The following ADCY6 variants were observed in gnomAD, a reference collection of about 807,000 sequenced individuals.
ADCY6 encodes adenylate cyclase 6, also known as adenylate cyclase type 6.
ADCY6 carries 59 observed loss-of-function variants against 111.6 expected under a neutral mutation model. The observed-to-expected ratio is 0.53, with a 90% CI of 0.43 to 0.66. ADCY6 has a LOEUF of 0.66. ADCY6 is among the 30% of genes least tolerant of loss of function. The pLI, the probability that ADCY6 is intolerant of heterozygous loss-of-function variation, is 0.00. For synonymous variants in ADCY6, 576 were observed against 642.9 expected (o/e 0.90, Z 1.57); for missense variants, 1,242 against 1,595.6 (o/e 0.78, Z 3.78).
Position 48,776,695 on chromosome 12 carries a change from T to C in ADCY6, c.1377-109A>G. On this transcript the variant is annotated intron_variant, in intron 6 of 21. Coordinates refer to ENST00000357869, the MANE Select transcript of ADCY6 (RefSeq NM_015270.5). The surrounding 1 kb of genome is among the most constrained non-coding windows in gnomAD (Gnocchi z 6.1). Reference sequence around the variant, plus strand: ...CCCAGCGGGCAAGGACAGACCCAGATGCAGGGGACGGGAGCACAGCCTTGG... The same window carrying C: ...CCCAGCGGGCAAGGACAGACCCAGACGCAGGGGACGGGAGCACAGCCTTGG... 7.2e-7 allele frequency: 1 copy of C among 1,387,010 alleles called. No homozygotes were observed. Among genetic ancestry groups the C allele is most frequent in the Middle Eastern group, 2.3e-4 (1 of 4,286 alleles). 85.9% of individuals were successfully genotyped at this position (1,387,010 alleles called of 1,614,324 possible).
intron 1 of ADCY6, among the ~76,000 whole-genome samples, chr12:48,786,627 T>G (rs1424511814): frequency 6.6e-6 from 1 of 152,162 alleles, no homozygotes; most frequent in East Asian, 1.9e-4. Context: ...CCTCCCAAAG[T>G]GCTGGGAGTA....
rs754037729 is a variant in ADCY6, at chr12:48,775,461, G to C, written c.1833-11C>G. The C allele has an allele frequency of 1.2e-6, 2 of 1,613,986 alleles. No individual in the cohort carries two copies. Among genetic ancestry groups the C allele is most frequent in the Admixed American group, 3.3e-5 (2 of 60,020 alleles). ...TCTTGGGTGCCCCGGCTGAGGGCAG[G>C]AGACATGGTTTCACCAGTTGCATGG... On this transcript the variant is annotated splice_polypyrimidine_tract_variant and intron_variant, in intron 10 of 21. Transcript: ENST00000357869.
Position 48,768,422 on chromosome 12 carries a change from A to G in ADCY6, c.*169T>C. ...CTCGGTAGGTAGCCCCTTGTTTTCCAGCTTGAGGGCAGACGAGCATGATCC... is the reference window on the plus strand; with the variant it reads ...CTCGGTAGGTAGCCCCTTGTTTTCCGGCTTGAGGGCAGACGAGCATGATCC... On this transcript the variant is annotated 3_prime_UTR_variant, in exon 22 of 22. Coordinates refer to ENST00000357869, the MANE Select transcript of ADCY6 (RefSeq NM_015270.5). The G allele has an allele frequency of 1.0e-6, 1 of 959,918 alleles. No individual in the cohort carries two copies. Among genetic ancestry groups the G allele is most frequent in the East Asian group, 2.6e-5 (1 of 38,022 alleles). 59.5% of individuals were successfully genotyped at this position (959,918 alleles called of 1,614,324 possible).
At position 48,772,278 on chromosome 12, in the gene ADCY6, AAGG is replaced by A; in HGVS notation, c.2787+14_2787+16del. The stretch of plus-strand genomic sequence containing the variant: ...CCCCTAGGTTCCTCCTCTTCCCCCA[AAGG>A]CCCACACAGTCACCTGTAGTTTCCA... On this transcript the variant is annotated intron_variant, in intron 18 of 21. Transcript: ENST00000357869. 1 of 1,600,818 alleles carries A rather than the reference AAGG, an allele frequency of 6.2e-7. No homozygotes were observed. Among genetic ancestry groups the A allele is most frequent in the Non-Finnish European group, 8.5e-7 (1 of 1,173,448 alleles).
chr12:48,774,851 C>T, intron 12 of ADCY6, 73 bp from the exon 13 acceptor site: 1 of 1,547,944 alleles, frequency 6.5e-7, no homozygotes, highest in Non-Finnish European at 8.8e-7. Context: ...CCCTCTGGAA[C>T]AAGCAGGGAT....
At position 48,774,066 on chromosome 12, in the gene ADCY6, A is replaced by C; in HGVS notation, c.2316T>G (p.Cys772Trp). 6.2e-7 allele frequency: 1 copy of C among 1,611,592 alleles called. No homozygotes were observed. Among genetic ancestry groups the C allele is most frequent in the Non-Finnish European group, 8.5e-7 (1 of 1,178,798 alleles). Residue 772 changes from cysteine (C) to tryptophan (W), a missense_variant, in exon 15 of 22, where the codon TGT becomes TGG. By Grantham distance (215) the Cys-to-Trp change is radical. Transcript: ENST00000357869. The stretch of plus-strand genomic sequence containing the variant: ...GTGTTAAATTCAGCATCCGGGCTGC[A>C]CAGCTCCGTATGGGGGTGTGGTTAC... ...FTCNHTPIRS[C>W]AARMLNLTPA...
rs1347209602 is a variant in ADCY6 at position 48,766,196 on chromosome 12, T to C, written c.*2395A>G. 1.3e-5 allele frequency: 2 copies of C among 152,696 alleles called. No individual in the cohort carries two copies. Among genetic ancestry groups the C allele is most frequent in the South Asian group, 2.1e-4 (1 of 4,842 alleles). 9.5% of individuals were successfully genotyped at this position (152,696 alleles called of 1,614,324 possible). On this transcript the variant is annotated 3_prime_UTR_variant, in exon 22 of 22. Coordinates refer to ENST00000357869, the MANE Select transcript of ADCY6 (RefSeq NM_015270.5). ...GAACAGCTACAGAGAACAGAGAATT[T>C]TACAAAGAGTTTGATTTTATTGATA... is the stretch of plus-strand genomic sequence containing the variant.
intron 16 of ADCY6, among the ~76,000 whole-genome samples, chr12:48,773,001 A>C (rs1941591399): frequency 1.3e-5 from 2 of 152,212 alleles, no homozygotes; most frequent in Admixed American, 1.3e-4. Context: ...TGAGCAGCAG[A>C]GCAGGGATTC....
Position 48,774,955 on chromosome 12 carries a change from A to T in ADCY6, c.2078+2T>A. On this transcript the variant is annotated splice_donor_variant, in intron 12 of 21. Transcript: ENST00000357869. LOFTEE classifies it high-confidence loss of function. ...CTAAGAGAGGAAAGGCAGGGCTCTCACTGTGGGAAGATGAGAAGCTGGATG... is the reference window on the plus strand; with the variant it reads ...CTAAGAGAGGAAAGGCAGGGCTCTCTCTGTGGGAAGATGAGAAGCTGGATG... The T allele has an allele frequency of 6.4e-7, 1 of 1,553,576 alleles. No individual in the cohort carries two copies. Among genetic ancestry groups the T allele is most frequent in the Non-Finnish European group, 8.7e-7 (1 of 1,147,874 alleles).
intron 13 of ADCY6, 21 bp from the exon 14 acceptor site, chr12:48,774,539 A>C: frequency 6.2e-7 from 1 of 1,609,104 alleles, no homozygotes; most frequent in Non-Finnish European, 8.5e-7. Flanking sequence ...CAAGAGACCA[A>C]GAGTTGAAGG....
chr12:48,771,677 C>G lies in ADCY6; in HGVS notation c.3051+33G>C, dbSNP rs10219743. ...ATCCCTGGTCTCCAAGTACCCCCCA[C>G]TCTCTGCCACCACCAGCCAACTGGA... On this transcript the variant is annotated intron_variant, in intron 19 of 21. Coordinates refer to ENST00000357869, the MANE Select transcript of ADCY6 (RefSeq NM_015270.5). The surrounding 1 kb of genome is among the most constrained non-coding windows in gnomAD (Gnocchi z 4.3). The G allele has an allele frequency of 1.2e-6, 2 of 1,612,952 alleles. No homozygotes were observed. The highest frequency in any genetic ancestry group is 1.7e-5 in the Admixed American group (1 of 60,022).
chr12:48,782,908 G>A lies in ADCY6; in HGVS notation c.527C>T (p.Pro176Leu), dbSNP rs371394102. Residue 176 changes from proline to leucine, a missense_variant, in exon 2 of 22, where the codon CCT (proline) becomes CTT (leucine). By Grantham distance (98) the Pro-to-Leu change is moderately conservative. Coordinates refer to ENST00000357869, the MANE Select transcript of ADCY6 (RefSeq NM_015270.5). The surrounding 1 kb of genome is among the most constrained non-coding windows in gnomAD (Gnocchi z 4.3). ...CAACAGTGCCACATAGGCAGGCTGA[G>A]GGCGGGCGGGTGCGGCGTGGAAAGC... Reference protein sequence around the residue: ...LLAFHAAPARPQPAYVALLAC... With the variant: ...LLAFHAAPARLQPAYVALLAC... 1.0e-4 allele frequency: 168 copies of A among 1,613,532 alleles called. No individual in the cohort carries two copies. The highest frequency in any genetic ancestry group is 1.4e-4 in the Non-Finnish European group (162 of 1,179,944).
chr12:48,775,944 G>C lies in ADCY6; in HGVS notation c.1806+19C>G, dbSNP rs750013600. 1 of 1,588,038 alleles carries C rather than the reference G, an allele frequency of 6.3e-7. No homozygotes were observed. The highest frequency in any genetic ancestry group is 1.1e-5 in the South Asian group (1 of 87,294). On this transcript the variant is annotated intron_variant, in intron 9 of 21. Coordinates refer to ENST00000357869, the MANE Select transcript of ADCY6 (RefSeq NM_015270.5). The stretch of plus-strand genomic sequence containing the variant: ...GCTAAGAAAATGAGGCCCTAGGTCT[G>C]GTGCTGAGGGCCCCTCACCATCTGG...
chr12:48,774,662 C>T (rs761157286), intron 13 of ADCY6, 29 bp downstream of exon 13: 4 of 1,611,112 alleles, frequency 2.5e-6, no homozygotes, highest in Non-Finnish European at 1.7e-6. Flanking sequence ...CCTGCCCTCC[C>T]CAACAGCCTC....
intron 1 of ADCY6, among the ~76,000 whole-genome samples, chr12:48,784,877 G>C (rs1941951717): frequency 6.6e-6 from 1 of 151,980 alleles, no homozygotes; most frequent in Admixed American, 6.6e-5. Flanking sequence ...GTGTTAGCTA[G>C]GATGGTCTCG....
At position 48,771,623 on chromosome 12, in the gene ADCY6, T is replaced by G. The variant is rs767393565; in HGVS notation, c.3051+87A>C. 1 of 1,586,702 alleles carries G rather than the reference T, an allele frequency of 6.3e-7. No individual in the cohort carries two copies. The highest frequency in any genetic ancestry group is 8.6e-7 in the Non-Finnish European group (1 of 1,164,724). On this transcript the variant is annotated intron_variant, in intron 19 of 21. Transcript: ENST00000357869. The surrounding 1 kb of genome is among the most constrained non-coding windows in gnomAD (Gnocchi z 4.3). The stretch of plus-strand genomic sequence containing the variant: ...CTCTGGGTCCCATCAAATCTCTCTC[T>G]CTCTTCCCAGTTCCACTCACCCATT...
upstream of ADCY6, among the ~76,000 whole-genome samples, chr12:48,789,400 C>T (rs1484273412): frequency 6.6e-6 from 1 of 152,116 alleles, no homozygotes; most frequent in African/African-American, 2.4e-5. Context: ...CCGGCCGCCT[C>T]CTCCGGCATT....
Position 48,776,327 on chromosome 12 carries a change from G to A in ADCY6, c.1559C>T (p.Thr520Ile), listed in dbSNP as rs745344666. ...GTAGTCCCCGTTCAGGTACTGCAGT[G>A]TTGCCCGAGTGATGTGGATGCGGCT... ...RAGRIHITRA[T>I]LQYLNGDYEV... The change falls in exon 8 of 22, where the codon ACA (threonine) becomes ATA (isoleucine). Residue 520 changes from threonine to isoleucine, a missense_variant. This residue lies in a region of ADCY6 where 260 missense variants were observed against 414.6 expected (regional missense o/e 0.63). Transcript: ENST00000357869. The surrounding 1 kb of genome is among the most constrained non-coding windows in gnomAD (Gnocchi z 6.1). The A allele has an allele frequency of 6.2e-7, 1 of 1,614,226 alleles. No individual in the cohort carries two copies. Among genetic ancestry groups the A allele is most frequent in the Non-Finnish European group, 8.5e-7 (1 of 1,180,036 alleles).
At chr12:48,773,409 A>T in intron 16 of ADCY6, 60 bp downstream of exon 16, 5 of 1,560,152 alleles carry the variant, frequency 3.2e-6, no homozygotes, top group Non-Finnish European at 4.4e-6. Context: ...AGAGGCTCAC[A>T]GTGACCTAGA....
Sources: allele counts gnomAD v4.1 joint callset (sites outside exome capture counted in the v4.1 genomes callset), GRCh38; gene constraint gnomAD v4.1.1; regional missense constraint gnomAD v4.1.1; non-coding constraint Gnocchi (gnomAD v3.1); transcripts MANE v1.5; gene names NCBI Gene and HGNC (gene_info 2026-07-23, HGNC 2026-07-21).